TRAK1: variants seen among roughly 807,000 people sequenced by gnomAD.
The protein encoded by TRAK1 is trafficking kinesin protein 1, also known as trafficking kinesin-binding protein 1.
TRAK1 carries 33 observed loss-of-function variants against 92.1 expected under a neutral mutation model. The observed-to-expected ratio is 0.36, with a 90% CI of 0.27 to 0.48. The LOEUF is 0.48. TRAK1 is among the 20% of genes least tolerant of loss of function. TRAK1 has a pLI of 0.99. For missense variants in TRAK1, 1,123 were observed against 1,257.9 expected, an observed-to-expected ratio of 0.89 and a Z score of 1.62; for synonymous variants, 521 against 517.3, an observed-to-expected ratio of 1.01 and a Z score of -0.10.
chr3:42,085,056 T>G (rs1335952701), upstream of TRAK1, among the ~76,000 whole-genome samples: 1 of 152,174 alleles, frequency 6.6e-6, no homozygotes, highest in Non-Finnish European at 1.5e-5. Flanking sequence ...TTTCGAGTGT[T>G]TACATGACAC....
intron 1 of TRAK1, among the ~76,000 whole-genome samples, chr3:42,108,597 GATGGGTAA>G (rs1707919295): frequency 6.6e-6 from 1 of 151,440 alleles, no homozygotes; most frequent in African/African-American, 2.4e-5. Context: ...TGCATAGCAT[GATGGGTAA>G]ATGATGGAAG....
intron 1 of TRAK1, among the ~76,000 whole-genome samples, chr3:42,058,837 A>C (rs1703308643): frequency 6.6e-6 from 1 of 152,326 alleles, no homozygotes; most frequent in African/African-American, 2.4e-5. Context: ...AAAATGCTAC[A>C]AAGTAAGCAT....
At position 42,125,515 on chromosome 3, in the gene TRAK1, G is replaced by T. The variant is rs748182696; in HGVS notation, c.187G>T (p.Gly63Cys). 1 of 1,614,070 alleles carries T rather than the reference G, an allele frequency of 6.2e-7. No individual in the cohort carries two copies. Among genetic ancestry groups the T allele is most frequent in the African/African-American group, 1.3e-5 (1 of 74,924 alleles). ...TAAGTTAAGAGCCGACACCATCTAC[G>T]GTTATGACCACGACGACTGGCTCCA... Reference protein sequence around the residue: ...HYKLRADTIYGYDHDDWLHTP... With the variant: ...HYKLRADTIYCYDHDDWLHTP... Residue 63 changes from glycine to cysteine, a missense_variant, in exon 2 of 16, where the codon GGT becomes TGT. Coordinates refer to ENST00000327628, the MANE Select transcript of TRAK1 (RefSeq NM_001042646.3).
At chr3:42,112,603 C>G (rs905369558) in intron 1 of TRAK1, among the ~76,000 whole-genome samples, 2 of 151,230 alleles carry the variant, frequency 1.3e-5, no homozygotes, top group Admixed American at 1.3e-4. Flanking sequence ...GGCTTGTTCA[C>G]ACGTACCTGT....
intron 1 of TRAK1, among the ~76,000 whole-genome samples, chr3:42,115,835 G>A (rs1203351691): frequency 1.3e-5 from 2 of 152,196 alleles, no homozygotes; most frequent in Non-Finnish European, 2.9e-5. Context: ...TGTGGCTGGG[G>A]TGTGAGCCAG....
At chr3:42,117,068 G>A (rs769126472) in intron 1 of TRAK1, among the ~76,000 whole-genome samples, 1 of 152,168 alleles carries the variant, frequency 6.6e-6, no homozygotes, top group Non-Finnish European at 1.5e-5. Context: ...GAGTCAGCAT[G>A]TCAAGGACTG....
chr3:42,097,075 G>A (rs931686524), intron 1 of TRAK1, among the ~76,000 whole-genome samples: 2 of 152,086 alleles, frequency 1.3e-5, no homozygotes, highest in Non-Finnish European at 2.9e-5. Context: ...TTCTACACAC[G>A]GGAACATATA....
chr3:42,134,641 C>T (rs1401249740), intron 2 of TRAK1, among the ~76,000 whole-genome samples: 2 of 130,474 alleles, frequency 1.5e-5, no homozygotes, highest in African/African-American at 2.9e-5. Flanking sequence ...GGCTAGATTG[C>T]AGTGGTGCGA....
At chr3:42,124,874 A>G (rs916751095) in intron 1 of TRAK1, among the ~76,000 whole-genome samples, 1 of 152,216 alleles carries the variant, frequency 6.6e-6, no homozygotes, top group African/African-American at 2.4e-5. Flanking sequence ...GGGCAGGACC[A>G]TGACTCTTGT....
chr3:42,147,076 G>C (rs1699415038), intron 2 of TRAK1, among the ~76,000 whole-genome samples: 1 of 152,146 alleles, frequency 6.6e-6, no homozygotes, highest in African/African-American at 2.4e-5. Flanking sequence ...CATCTGAGGG[G>C]CTGTTTGGGA....
At chr3:42,022,617 G>A (rs2148881576) in intron 1 of TRAK1, among the ~76,000 whole-genome samples, 1 of 152,078 alleles carries the variant, frequency 6.6e-6, no homozygotes, top group South Asian at 2.1e-4. Flanking sequence ...AGCTGTCTGG[G>A]AAGTTGAAGC....
At chr3:42,213,054 A>ATTTTT (rs34073573) in intron 14 of TRAK1, among the ~76,000 whole-genome samples, 46 of 113,072 alleles carry the variant, frequency 4.1e-4, no homozygotes, top group Non-Finnish European at 6.7e-4. Flanking sequence ...TGGAGCTGAG[A>ATTTTT]TTTTTTTTTT....
chr3:42,189,219 A>C, intron 6 of TRAK1, 95 bp downstream of exon 6: 2 of 889,782 alleles, frequency 2.2e-6, no homozygotes, highest in Non-Finnish European at 3.7e-6. Context: ...GCCCTCCTCA[A>C]AGCTGGCAGT....
At position 42,099,505 on chromosome 3, in the gene TRAK1, G is replaced by A. The variant is rs115425182; in HGVS notation, c.91+7945G>A. ...AGATGATGGAACGTTTGCGTGGTACGAACTGAACCTTCTTAGTGGGAGAGA... is the reference window on the plus strand; with the variant it reads ...AGATGATGGAACGTTTGCGTGGTACAAACTGAACCTTCTTAGTGGGAGAGA... On this transcript the variant is annotated intron_variant, in intron 1 of 15. Coordinates refer to ENST00000327628, the MANE Select transcript of TRAK1 (RefSeq NM_001042646.3). Among the ~76,000 whole-genome samples the A allele has an allele frequency of 7.4e-3, 1,131 of 152,248 alleles. 16 individuals carry two copies. Among genetic ancestry groups the A allele is most frequent in the African/African-American group, 0.025 (1,037 of 41,534 alleles).
chr3:42,167,293 G>T (rs1040514934), intron 2 of TRAK1, among the ~76,000 whole-genome samples: 9 of 152,158 alleles, frequency 5.9e-5, no homozygotes, highest in Admixed American at 2.0e-4. Flanking sequence ...TGCTTTTTGA[G>T]TGTCAACTGT....
chr3:42,154,006 T>C (rs1482889777), intron 2 of TRAK1, among the ~76,000 whole-genome samples: 1 of 152,160 alleles, frequency 6.6e-6, no homozygotes, highest in Non-Finnish European at 1.5e-5. Flanking sequence ...AGTTTTATAA[T>C]GTAACTGTTT....
At chr3:42,190,491 C>T (rs1705553105) in intron 6 of TRAK1, among the ~76,000 whole-genome samples, 1 of 152,146 alleles carries the variant, frequency 6.6e-6, no homozygotes. Context: ...CTCTGCCAGC[C>T]AGTTGCTGGG....
chr3:42,165,577 G>A (rs889651963), intron 2 of TRAK1, among the ~76,000 whole-genome samples: 3 of 152,202 alleles, frequency 2.0e-5, no homozygotes, highest in South Asian at 2.1e-4. Context: ...GTTGTGATGC[G>A]TCAGGCTTTT....
intron 1 of TRAK1, among the ~76,000 whole-genome samples, chr3:42,063,039 A>G (rs1703514580): frequency 6.6e-6 from 1 of 152,252 alleles, no homozygotes; most frequent in South Asian, 2.1e-4. Flanking sequence ...AGTGAGTAGT[A>G]AAGTCAGAAT....
Sources: gnomAD v4.1 joint callset for allele counts (sites outside exome capture counted in the v4.1 genomes callset) on GRCh38, gnomAD v4.1.1 for gene constraint, MANE v1.5 for transcripts, NCBI Gene and HGNC (gene_info 2026-07-23, HGNC 2026-07-21) for gene names.